Variants in KLRD1 observed in about 807,000 individuals in gnomAD.
The protein encoded by KLRD1 is killer cell lectin like receptor D1, also known as natural killer cells antigen CD94.
KLRD1 carries 21 observed loss-of-function variants against 22.6 expected under a neutral mutation model. The observed-to-expected ratio is 0.93, with a 90% CI of 0.66 to 1.34. The LOEUF (loss-of-function observed/expected upper bound fraction) is 1.34. Among genes scored for constraint, KLRD1 ranks in the 40% most tolerant of loss-of-function variants. The pLI, the probability that KLRD1 is intolerant of heterozygous loss-of-function variation, is 0.00. For synonymous variants in KLRD1, 59 were observed against 71.1 expected (o/e 0.83, Z 0.85); for missense variants, 183 against 208.6 (o/e 0.88, Z 0.76).
intron 1 of KLRD1, among the ~76,000 whole-genome samples, chr12:10,245,150 G>A (rs751274354): frequency 1.3e-5 from 2 of 152,072 alleles, no homozygotes; most frequent in Admixed American, 6.5e-5. Context: ...ATGAGGTCAC[G>A]AGTTCAAGAC....
Position 10,322,482 on chromosome 12 carries a change from GT to G in KLRD1, c.*7691del. On this transcript the variant is annotated 3_prime_UTR_variant, in exon 6 of 6. Transcript: ENST00000336164. Reference sequence around the variant, plus strand: ...AATTTTTTGTTTTTTGGTTTTTTTAGTTCTCAATTATGTTGTATAACCCATG... The same window carrying G: ...AATTTTTTGTTTTTTGGTTTTTTTAGTCTCAATTATGTTGTATAACCCATG... The G allele has an allele frequency of 6.6e-6, 1 of 151,890 alleles. No homozygotes were observed. Among genetic ancestry groups the G allele is most frequent in the Non-Finnish European group, 1.5e-5 (1 of 67,952 alleles). 9.4% of individuals were successfully genotyped at this position (151,890 alleles called of 1,614,324 possible).
rs1006832446 is a variant in KLRD1, at chr12:10,327,754, G to A, written c.*12961G>A. 6.6e-6 allele frequency: 1 copy of A among 152,094 alleles called. No individual in the cohort carries two copies. Among genetic ancestry groups the A allele is most frequent in the African/African-American group, 2.4e-5 (1 of 41,422 alleles). 9.4% of individuals were successfully genotyped at this position (152,094 alleles called of 1,614,324 possible). On this transcript the variant is annotated 3_prime_UTR_variant, in exon 6 of 6. Transcript: ENST00000336164. The stretch of plus-strand genomic sequence containing the variant: ...TCCTTGCCATGTTTCTGATGTCAGA[G>A]GAAAAGTTCAGCTTTTTCCATAGCA...
upstream of KLRD1, among the ~76,000 whole-genome samples, chr12:10,305,109 G>A (rs80030774): frequency 2.4e-3 from 372 of 152,282 alleles, 1 homozygote; most frequent in African/African-American, 8.4e-3. Context: ...TATGTTAAGT[G>A]AACATTAGTT....
In KLRD1 at chr12:10,326,952, C is replaced by G. The variant is rs1446731686; in HGVS notation, c.*12159C>G. On this transcript the variant is annotated 3_prime_UTR_variant, in exon 6 of 6. Transcript: ENST00000336164. ...TCTATTCTTGCTTTTGTTGCCTGTG[C>G]TTTTGGTGTCAGATTGATGATATCA... 1 of 152,158 alleles carries G rather than the reference C, an allele frequency of 6.6e-6. No homozygotes were observed. The highest frequency in any genetic ancestry group is 1.5e-5 in the Non-Finnish European group (1 of 68,026). 9.4% of individuals were successfully genotyped at this position (152,158 alleles called of 1,614,324 possible).
chr12:10,305,923 G>A (rs1009634937), upstream of KLRD1, among the ~76,000 whole-genome samples: 1 of 152,126 alleles, frequency 6.6e-6, no homozygotes, highest in African/African-American at 2.4e-5. Flanking sequence ...AGCACTTTGG[G>A]AGGCCGAGGC....
intron 1 of KLRD1, among the ~76,000 whole-genome samples, chr12:10,266,970 A>G (rs1255699978): frequency 6.7e-6 from 1 of 150,142 alleles, no homozygotes; most frequent in Non-Finnish European, 1.5e-5. Context: ...TTTAGGGTAC[A>G]TGTGCACAAC....
chr12:10,314,821 A>G lies in KLRD1; in HGVS notation c.*28A>G. 6.3e-7 allele frequency: 1 copy of G among 1,589,136 alleles called. No individual in the cohort carries two copies. The highest frequency in any genetic ancestry group is 8.6e-7 in the Non-Finnish European group (1 of 1,169,300). On this transcript the variant is annotated 3_prime_UTR_variant, in exon 6 of 6. Transcript: ENST00000336164. Reference sequence around the variant, plus strand: ...GTTTCTTGGGGCAGAGAAGGTGGAGAGTAAAGACCCAACATTACTAACAAT... The same window carrying G: ...GTTTCTTGGGGCAGAGAAGGTGGAGGGTAAAGACCCAACATTACTAACAAT...
intron 1 of KLRD1, among the ~76,000 whole-genome samples, chr12:10,291,492 A>G (rs185078677): frequency 5.9e-5 from 9 of 152,304 alleles, no homozygotes; most frequent in Non-Finnish European, 1.3e-4. Flanking sequence ...TCATTTCAAC[A>G]ATGTTCACAA....
At chr12:10,265,265 TAC>T (rs927867282) in intron 1 of KLRD1, among the ~76,000 whole-genome samples, 13 of 152,222 alleles carry the variant, frequency 8.5e-5, no homozygotes, top group African/African-American at 3.1e-4. Flanking sequence ...ACATTATTTG[TAC>T]ACAGAGACAT....
chr12:10,252,451 C>T (rs1949354408), intron 1 of KLRD1, among the ~76,000 whole-genome samples: 1 of 152,082 alleles, frequency 6.6e-6, no homozygotes, highest in African/African-American at 2.4e-5. Flanking sequence ...CTGCAGTGAG[C>T]TGTGATTGCG....
chr12:10,312,912 G>A (rs1239963225), intron 4 of KLRD1, among the ~76,000 whole-genome samples: 13 of 151,682 alleles, frequency 8.6e-5, no homozygotes. Flanking sequence ...GCGTGAACCT[G>A]GGAGGCAGAG....
intron 1 of KLRD1, among the ~76,000 whole-genome samples, chr12:10,269,276 G>A (rs925432808): frequency 6.6e-6 from 1 of 151,542 alleles, no homozygotes; most frequent in South Asian, 2.1e-4. Context: ...TCAGCCTCCC[G>A]AGTAGCTGGG....
rs771898326 is a variant in KLRD1 at position 10,314,801 on chromosome 12, T to A, written c.*8T>A. 1 of 1,602,790 alleles carries A rather than the reference T, an allele frequency of 6.2e-7. No homozygotes were observed. The highest frequency in any genetic ancestry group is 2.2e-5 in the East Asian group (1 of 44,558). On this transcript the variant is annotated 3_prime_UTR_variant, in exon 6 of 6. Coordinates refer to ENST00000336164, the MANE Select transcript of KLRD1 (RefSeq NM_002262.5). ...AAGCAACAGCTCATTTAAATGTTTC[T>A]TGGGGCAGAGAAGGTGGAGAGTAAA...
chr12:10,309,753 C>A, intron 3 of KLRD1, 65 bp downstream of exon 3: 1 of 1,122,734 alleles, frequency 8.9e-7, no homozygotes, highest in Non-Finnish European at 1.4e-6. Context: ...TCTTGTTTTT[C>A]ACACAGAGAG....
chr12:10,294,472 C>T (rs1949804355), intron 1 of KLRD1, among the ~76,000 whole-genome samples: 1 of 152,104 alleles, frequency 6.6e-6, no homozygotes, highest in Non-Finnish European at 1.5e-5. Flanking sequence ...GATCTCGGCT[C>T]ACTGCAACCT....
At chr12:10,299,539 T>C (rs940116354), upstream of KLRD1, among the ~76,000 whole-genome samples, 3 of 152,164 alleles carry the variant, frequency 2.0e-5, no homozygotes, top group Admixed American at 6.5e-5. Flanking sequence ...AAAAACAGTA[T>C]ATCTACCTTA....
At position 10,315,222 on chromosome 12, in the gene KLRD1, G is replaced by A. The variant is rs1441359739; in HGVS notation, c.*429G>A. ...ATCATAGCTCATTGCAAGCTCAAGT[G>A]ATCCTCCTGACTCAGCCTCCCAAGT... On this transcript the variant is annotated 3_prime_UTR_variant, in exon 6 of 6. Transcript: ENST00000336164. 1.1e-4 allele frequency: 44 copies of A among 416,230 alleles called. No homozygotes were observed. Among genetic ancestry groups the A allele is most frequent in the South Asian group, 7.3e-4 (43 of 59,130 alleles). 25.8% of individuals were successfully genotyped at this position (416,230 alleles called of 1,614,324 possible). A position where few individuals can be genotyped will look rare whatever the true frequency, so the allele number is the denominator to read the frequency against.
rs1950209306 is a variant in KLRD1 at position 10,315,683 on chromosome 12, CCTA to C, written c.*891_*893del. 1 of 152,294 alleles carries C rather than the reference CCTA, an allele frequency of 6.6e-6. No individual in the cohort carries two copies. The highest frequency in any genetic ancestry group is 2.4e-5 in the African/African-American group (1 of 41,418). 9.4% of individuals were successfully genotyped at this position (152,294 alleles called of 1,614,324 possible). ...ATCAATATTTTTTTCCACCAACTAT[CCTA>C]TACCCCTGACCTCCTTTCATTAGGC... On this transcript the variant is annotated 3_prime_UTR_variant, in exon 6 of 6. Coordinates refer to ENST00000336164, the MANE Select transcript of KLRD1 (RefSeq NM_002262.5).
intron 1 of KLRD1, among the ~76,000 whole-genome samples, chr12:10,271,761 A>G (rs1305740527): frequency 6.6e-6 from 1 of 152,064 alleles, no homozygotes; most frequent in Admixed American, 6.6e-5. Context: ...TAAATGGCAT[A>G]TTATATGTGA....
Sources: gnomAD v4.1 joint callset for allele counts (sites outside exome capture counted in the v4.1 genomes callset) on GRCh38, gnomAD v4.1.1 for gene constraint, MANE v1.5 for transcripts, NCBI Gene and HGNC (gene_info 2026-07-23, HGNC 2026-07-21) for gene names.